Variants in NYAP2 observed in about 807,000 individuals in gnomAD.
NYAP2 encodes the protein neuronal tyrosine-phosphorylated phosphoinositide-3-kinase adaptor 2.
In NYAP2, 23 loss-of-function variants were observed where a neutral mutation model predicts 50.4. The ratio of observed to expected loss-of-function variants is 0.46; its 90% CI spans 0.33 to 0.65. The LOEUF (loss-of-function observed/expected upper bound fraction) is 0.65. Ranked by LOEUF, NYAP2 falls within the 30% of genes least tolerant of loss-of-function variation. The pLI is 0.02. For missense variants in NYAP2, 885 were observed against 861.0 expected, an observed-to-expected ratio of 1.03 and a Z score of -0.35; for synonymous variants, 394 against 365.2, an observed-to-expected ratio of 1.08 and a Z score of -0.90.
chr2:225,512,248 C>A (rs34041494), intron 3 of NYAP2, among the ~76,000 whole-genome samples: 33,428 of 151,988 alleles, frequency 0.22, 3,708 homozygotes, highest in East Asian at 0.24. Context: ...AACTTAAGAA[C>A]CTTAAATTTG....
chr2:225,410,368 A>T (rs1289317224), intron 3 of NYAP2, among the ~76,000 whole-genome samples: 7 of 152,074 alleles, frequency 4.6e-5, no homozygotes, highest in Admixed American at 3.3e-4. Context: ...TTGATTTCTA[A>T]CCAATTTTAA....
intron 4 of NYAP2, among the ~76,000 whole-genome samples, chr2:225,575,151 C>T (rs1007249898): frequency 2.0e-5 from 3 of 152,100 alleles, no homozygotes; most frequent in Non-Finnish European, 2.9e-5. Flanking sequence ...TTCTGCATTA[C>T]GACAGGCAAC....
rs1229132437 is a variant in NYAP2 at position 225,648,597 on chromosome 2, TAG to T, written c.1829-2828_1829-2827del. On this transcript the variant is annotated intron_variant, in intron 6 of 6. Coordinates refer to ENST00000636099, the Ensembl canonical transcript of NYAP2. Reference sequence around the variant, plus strand: ...GCAAATTCCAACAGGACTAAATTTATAGAGAGAGGAAAAGAAAGCTCTAAACT... The same window carrying T: ...GCAAATTCCAACAGGACTAAATTTATAGAGAGGAAAAGAAAGCTCTAAACT... Among the ~76,000 whole-genome samples the T allele has an allele frequency of 5.3e-5, 8 of 152,160 alleles. No individual in the cohort carries two copies. In the South Asian group the frequency reaches 1.2e-3, roughly 24 times the overall value.
chr2:225,606,116 C>T (rs1476173293), intron 5 of NYAP2, among the ~76,000 whole-genome samples: 1 of 152,038 alleles, frequency 6.6e-6, no homozygotes, highest in Non-Finnish European at 1.5e-5. Context: ...GTCTAAATTC[C>T]TCATTTACAG....
At chr2:225,444,650 A>G (rs1443410940) in intron 3 of NYAP2, among the ~76,000 whole-genome samples, 2 of 152,192 alleles carry the variant, frequency 1.3e-5, no homozygotes, top group Non-Finnish European at 2.9e-5. Flanking sequence ...GATTTCTAGA[A>G]TTTGTATTGT....
At chr2:225,620,452 C>T (rs916408156) in intron 5 of NYAP2, among the ~76,000 whole-genome samples, 16 of 145,594 alleles carry the variant, frequency 1.1e-4, no homozygotes, top group Admixed American at 3.4e-4. Flanking sequence ...CGCACACGCA[C>T]GCACACACGC....
intron 3 of NYAP2, among the ~76,000 whole-genome samples, chr2:225,480,888 T>C (rs1454759436): frequency 6.6e-6 from 1 of 152,154 alleles, no homozygotes; most frequent in Non-Finnish European, 1.5e-5. Context: ...TGTATCCAGA[T>C]ATTTTCAGAA....
At chr2:225,606,790 T>C (rs1692794708) in intron 5 of NYAP2, among the ~76,000 whole-genome samples, 1 of 152,138 alleles carries the variant, frequency 6.6e-6, no homozygotes, top group Non-Finnish European at 1.5e-5. Context: ...TTCTCTTGAA[T>C]ATCTCATAAA....
intron 3 of NYAP2, among the ~76,000 whole-genome samples, chr2:225,480,803 A>G (rs1430372099): frequency 3.3e-5 from 5 of 152,088 alleles, no homozygotes; most frequent in African/African-American, 7.2e-5. Context: ...TTTCTTTCTT[A>G]TATAAATGGT....
At chr2:225,542,733 T>A (rs552280811) in intron 4 of NYAP2, among the ~76,000 whole-genome samples, 6 of 152,246 alleles carry the variant, frequency 3.9e-5, no homozygotes, top group Non-Finnish European at 8.8e-5. Context: ...ATAGTTTTCT[T>A]TTTTTGATGC....
At chr2:225,589,867 C>T (rs948822140) in intron 5 of NYAP2, among the ~76,000 whole-genome samples, 10 of 152,034 alleles carry the variant, frequency 6.6e-5, no homozygotes, top group Non-Finnish European at 8.8e-5. Flanking sequence ...TGGATCTCTC[C>T]TTTGCAATAG....
At chr2:225,577,045 A>T (rs1046451277) in intron 4 of NYAP2, among the ~76,000 whole-genome samples, 2 of 151,960 alleles carry the variant, frequency 1.3e-5, no homozygotes, top group Non-Finnish European at 2.9e-5. Context: ...TAAGGAAAAA[A>T]GTATTTCCTA....
chr2:225,594,681 T>A (rs1437350367), intron 5 of NYAP2, among the ~76,000 whole-genome samples: 1 of 152,252 alleles, frequency 6.6e-6, no homozygotes, highest in Non-Finnish European at 1.5e-5. Context: ...ATAAAATATT[T>A]GAAAAGCTTT....
At chr2:225,581,232 TA>T (rs1483654362) in intron 4 of NYAP2, among the ~76,000 whole-genome samples, 4 of 152,222 alleles carry the variant, frequency 2.6e-5, no homozygotes, top group African/African-American at 7.2e-5. Flanking sequence ...CAGTGGAACA[TA>T]TCTAATAAAT....
At chr2:225,535,963 T>C (rs1471686788) in intron 4 of NYAP2, among the ~76,000 whole-genome samples, 1 of 152,212 alleles carries the variant, frequency 6.6e-6, no homozygotes, top group Non-Finnish European at 1.5e-5. Context: ...ATATAAACAC[T>C]CATTAAATGT....
At chr2:225,601,310 G>A (rs375599261) in intron 5 of NYAP2, among the ~76,000 whole-genome samples, 8 of 151,856 alleles carry the variant, frequency 5.3e-5, no homozygotes, top group South Asian at 2.1e-4. Flanking sequence ...TAGTAGAGAC[G>A]GGGTTTCACC....
At chr2:225,486,278 C>G (rs1690297202) in intron 3 of NYAP2, among the ~76,000 whole-genome samples, 1 of 152,156 alleles carries the variant, frequency 6.6e-6, no homozygotes, top group Admixed American at 6.5e-5. Context: ...ACTGTAAAAC[C>G]AAGAGGGTAT....
chr2:225,570,115 G>A (rs187948561), intron 4 of NYAP2, among the ~76,000 whole-genome samples: 7 of 152,254 alleles, frequency 4.6e-5, no homozygotes, highest in Admixed American at 3.3e-4. Context: ...CTACTGCCCT[G>A]GAATGCAAAT....
intron 5 of NYAP2, among the ~76,000 whole-genome samples, chr2:225,602,050 G>A (rs572670844): frequency 1.8e-4 from 27 of 152,266 alleles, no homozygotes; most frequent in South Asian, 8.3e-4. Flanking sequence ...AATTTGGAGC[G>A]AAAGTTTATT....
Sources: allele counts gnomAD v4.1 joint callset (sites outside exome capture counted in the v4.1 genomes callset), GRCh38; gene constraint gnomAD v4.1.1; transcripts MANE v1.5; gene names NCBI Gene and HGNC (gene_info 2026-07-23, HGNC 2026-07-21).